Variants in FMNL2 observed in about 807,000 individuals in gnomAD.
FMNL2 encodes the protein formin like 2, also known as formin-like protein 2.
A neutral mutation model predicts 130.2 loss-of-function variants in FMNL2; 51 were observed. The observed-to-expected ratio is 0.39, with a 90% CI of 0.31 to 0.49. FMNL2 has a LOEUF of 0.49. Among genes scored for constraint, FMNL2 ranks in the 20% least tolerant of loss-of-function variants. The pLI, the probability that FMNL2 is intolerant of heterozygous loss-of-function variation, is 0.85. For synonymous variants in FMNL2, 465 were observed against 467.1 expected, an observed-to-expected ratio of 1.00 and a Z score of 0.06; for missense variants, 977 against 1,316.2, an observed-to-expected ratio of 0.74 and a Z score of 3.99.
chr2:152,572,818 C>G (rs1234968541), intron 6 of FMNL2, among the ~76,000 whole-genome samples: 1 of 149,470 alleles, frequency 6.7e-6, no homozygotes, highest in Non-Finnish European at 1.5e-5. Flanking sequence ...TTAAAGTAGT[C>G]ATTTACTCAC....
intron 20 of FMNL2, among the ~76,000 whole-genome samples, chr2:152,630,439 T>A (rs1682082864): frequency 6.6e-6 from 1 of 152,216 alleles, no homozygotes; most frequent in African/African-American, 2.4e-5. Context: ...TTGTAAGTAC[T>A]TTTCTATATT....
At chr2:152,475,001 A>G (rs183871069) in intron 1 of FMNL2, among the ~76,000 whole-genome samples, 23 of 152,318 alleles carry the variant, frequency 1.5e-4, no homozygotes, top group Admixed American at 5.9e-4. Context: ...CTTGCTCTCC[A>G]AGGTCTAAGT....
chr2:152,599,807 G>A (rs557353611), intron 9 of FMNL2, among the ~76,000 whole-genome samples: 5 of 152,096 alleles, frequency 3.3e-5, no homozygotes, highest in Non-Finnish European at 7.3e-5. Flanking sequence ...TTGTTTTAGC[G>A]GAGTGAGATA....
intron 1 of FMNL2, among the ~76,000 whole-genome samples, chr2:152,460,026 G>A (rs1252751628): frequency 3.3e-5 from 5 of 152,118 alleles, no homozygotes; most frequent in African/African-American, 1.2e-4. Flanking sequence ...AATCATGCTA[G>A]GCACTTTAAT....
chr2:152,483,940 G>T (rs971716657), intron 1 of FMNL2, among the ~76,000 whole-genome samples: 1 of 152,322 alleles, frequency 6.6e-6, no homozygotes, highest in African/African-American at 2.4e-5. Flanking sequence ...AATGCAGTTT[G>T]CTTGAGCAAG....
rs147210573 is a variant in FMNL2 at position 152,473,158 on chromosome 2, A to G, written c.118-48785A>G. ...AGAATAAAAAGTATTTGTGCATTTC[A>G]TCAAAGAAAGGCAATCTTTTTTTCA... On this transcript the variant is annotated intron_variant, in intron 1 of 25. Coordinates refer to ENST00000288670, the MANE Select transcript of FMNL2 (RefSeq NM_052905.4). Among the ~76,000 whole-genome samples the G allele has an allele frequency of 4.1e-4, 62 of 152,362 alleles. 2 individuals carry two copies. In the East Asian group the frequency reaches 9.8e-3, roughly 24 times the overall value.
chr2:152,354,785 T>C (rs1682694342), intron 1 of FMNL2, among the ~76,000 whole-genome samples: 1 of 152,232 alleles, frequency 6.6e-6, no homozygotes, highest in South Asian at 2.1e-4. Flanking sequence ...GATAAAAGAA[T>C]ATTTGATAGC....
intron 1 of FMNL2, among the ~76,000 whole-genome samples, chr2:152,489,382 C>T (rs1691015620): frequency 2.0e-5 from 3 of 152,196 alleles, no homozygotes; most frequent in Admixed American, 1.3e-4. Flanking sequence ...TAACAGTATG[C>T]ATTTCAACTT....
At chr2:152,415,157 T>C (rs965943729) in intron 1 of FMNL2, among the ~76,000 whole-genome samples, 1 of 146,806 alleles carries the variant, frequency 6.8e-6, no homozygotes, top group African/African-American at 2.6e-5. Flanking sequence ...TTTATGTCAG[T>C]TCTGATACAT....
intron 2 of FMNL2, among the ~76,000 whole-genome samples, chr2:152,529,737 G>A (rs1242809474): frequency 6.6e-6 from 1 of 152,168 alleles, no homozygotes; most frequent in Non-Finnish European, 1.5e-5. Context: ...AGAGAAAAAT[G>A]CTGGCCTACC....
chr2:152,375,741 C>A (rs1684116610), intron 1 of FMNL2, among the ~76,000 whole-genome samples: 2 of 151,716 alleles, frequency 1.3e-5, no homozygotes, highest in Non-Finnish European at 2.9e-5. Flanking sequence ...TACAAATGGA[C>A]AGTTGTATCC....
chr2:152,584,688 A>G (rs915838112), intron 9 of FMNL2, among the ~76,000 whole-genome samples: 3 of 152,218 alleles, frequency 2.0e-5, no homozygotes, highest in African/African-American at 7.2e-5. Context: ...ATTCTATCTA[A>G]TTTGACCACC....
chr2:152,435,649 G>A (rs1023205243), intron 1 of FMNL2, among the ~76,000 whole-genome samples: 7 of 151,900 alleles, frequency 4.6e-5, no homozygotes, highest in Non-Finnish European at 7.4e-5. Context: ...AGATGAGAAG[G>A]TCTCTAGAGC....
At chr2:152,454,502 G>C in intron 1 of FMNL2, among the ~76,000 whole-genome samples, 1 of 152,172 alleles carries the variant, frequency 6.6e-6, no homozygotes, top group Admixed American at 6.5e-5. Flanking sequence ...ACTTGTGAAA[G>C]AACTGTTAAA....
At chr2:152,428,012 A>C (rs1205925267) in intron 1 of FMNL2, among the ~76,000 whole-genome samples, 2 of 152,204 alleles carry the variant, frequency 1.3e-5, no homozygotes, top group East Asian at 3.9e-4. Context: ...TATAATGGAA[A>C]CTTTGCCATT....
chr2:152,357,245 CAGTTTAATGTATCACGATAAAT>C (rs1345435270), intron 1 of FMNL2, among the ~76,000 whole-genome samples: 2 of 31,814 alleles, frequency 6.3e-5, no homozygotes, highest in Non-Finnish European at 6.6e-5. Context: ...AATATTAAAT[CAGTTTAATGTATCACGATAAAT>C]ATTAAATCAG....
chr2:152,495,419 A>G (rs957910011), intron 1 of FMNL2, among the ~76,000 whole-genome samples: 1 of 151,836 alleles, frequency 6.6e-6, no homozygotes, highest in Non-Finnish European at 1.5e-5. Context: ...GGAGGTTGAG[A>G]TGGGCGGATC....
chr2:152,518,279 C>A (rs1459373610), intron 1 of FMNL2, among the ~76,000 whole-genome samples: 3 of 152,132 alleles, frequency 2.0e-5, no homozygotes, highest in African/African-American at 4.8e-5. Context: ...TTAAGCTGTA[C>A]AATGTATGTC....
rs552950555 is a variant in FMNL2, at chr2:152,346,905, C to T, written c.117+11185C>T. ...AGGAGTTCGAGACCAGCCTGGCCAA[C>T]ATGGTGAAACCCCGTATCTACTAAA... On this transcript the variant is annotated intron_variant, in intron 1 of 25. Coordinates refer to ENST00000288670, the MANE Select transcript of FMNL2 (RefSeq NM_052905.4). 3.9e-5 allele frequency among the ~76,000 whole-genome samples: 6 copies of T among 152,022 alleles called. No individual in the cohort carries two copies. In the East Asian group the frequency reaches 1.2e-3, roughly 30 times the overall value.
Sources: allele counts gnomAD v4.1 joint callset (sites outside exome capture counted in the v4.1 genomes callset), GRCh38; gene constraint gnomAD v4.1.1; transcripts MANE v1.5; gene names NCBI Gene and HGNC (gene_info 2026-07-23, HGNC 2026-07-21).